FAM135B: variants seen among roughly 807,000 people sequenced by gnomAD.
FAM135B encodes the protein family with sequence similarity 135 member B.
FAM135B carries 43 observed loss-of-function variants against 127.7 expected under a neutral mutation model. The observed-to-expected ratio is 0.34, with a 90% CI of 0.26 to 0.43. The LOEUF (loss-of-function observed/expected upper bound fraction) is 0.43, where lower values mean the gene tolerates loss of function less well. Among genes scored for constraint, FAM135B ranks in the 20% least tolerant of loss-of-function variants. The pLI is 1.00. For synonymous variants in FAM135B, 670 were observed against 665.1 expected, an observed-to-expected ratio of 1.01 and a Z score of -0.11; for missense variants, 1,558 against 1,725.6, an observed-to-expected ratio of 0.90 and a Z score of 1.72.
intron 12 of FAM135B, among the ~76,000 whole-genome samples, chr8:138,166,839 C>G (rs1015640895): frequency 6.6e-6 from 1 of 152,074 alleles, no homozygotes; most frequent in African/African-American, 2.4e-5. Context: ...TTGTAAGGAG[C>G]ACATCCTACC....
chr8:138,455,854 T>C (rs1294419365), intron 1 of FAM135B, among the ~76,000 whole-genome samples: 1 of 152,174 alleles, frequency 6.6e-6, no homozygotes, highest in Non-Finnish European at 1.5e-5. Context: ...GGCTGAGTCC[T>C]ACTGGATTGG....
At chr8:138,192,704 C>T (rs1297365322) in intron 9 of FAM135B, among the ~76,000 whole-genome samples, 2 of 152,174 alleles carry the variant, frequency 1.3e-5, no homozygotes, top group Non-Finnish European at 2.9e-5. Flanking sequence ...CTGGCCCCTA[C>T]TCAGCAAATT....
chr8:138,447,423 A>G (rs1836239415), intron 1 of FAM135B, among the ~76,000 whole-genome samples: 1 of 152,194 alleles, frequency 6.6e-6, no homozygotes, highest in Non-Finnish European at 1.5e-5. Flanking sequence ...CAACAATGGT[A>G]GACTGGATTA....
intron 7 of FAM135B, among the ~76,000 whole-genome samples, chr8:138,227,714 C>CTTT (rs761660500): frequency 5.4e-4 from 44 of 81,764 alleles, no homozygotes; most frequent in Non-Finnish European, 6.9e-4. Flanking sequence ...TTTTGTCTCT[C>CTTT]TTTTTTTTTT....
chr8:138,442,040 T>G lies in FAM135B; in HGVS notation c.-20+54631A>C, dbSNP rs140597759. Reference sequence around the variant, plus strand: ...TATTTTGTATGTCAAGTTCTGTAAGTCCTTATGCAGCAGGCAAACGATGTG... The same window carrying G: ...TATTTTGTATGTCAAGTTCTGTAAGGCCTTATGCAGCAGGCAAACGATGTG... On this transcript the variant is annotated intron_variant, in intron 1 of 19. Coordinates refer to ENST00000395297, the MANE Select transcript of FAM135B (RefSeq NM_015912.4). Among the ~76,000 whole-genome samples, 152 of 151,744 alleles carry G rather than the reference T, an allele frequency of 1.0e-3. 1 individual carries two copies. The highest frequency in any genetic ancestry group is 6.4e-3 in the East Asian group (33 of 5,150).
chr8:138,227,714 CTTTT>C (rs761660500), intron 7 of FAM135B, among the ~76,000 whole-genome samples: 1,032 of 81,836 alleles, frequency 0.013, 17 homozygotes, highest in African/African-American at 0.04. Context: ...TTTTGTCTCT[CTTTT>C]TTTTTTTTTT....
intron 1 of FAM135B, among the ~76,000 whole-genome samples, chr8:138,480,472 T>C (rs1814728333): frequency 6.6e-6 from 1 of 152,220 alleles, no homozygotes; most frequent in Non-Finnish European, 1.5e-5. Context: ...GGAAGCCCTG[T>C]GGAGAAAGAC....
rs1818211991 is a variant in FAM135B at position 138,152,066 on chromosome 8, G to C, written c.2409C>G (p.Ser803Arg). The C allele has an allele frequency of 6.2e-7, 1 of 1,613,992 alleles. No homozygotes were observed. The highest frequency in any genetic ancestry group is 1.3e-5 in the African/African-American group (1 of 75,034). Residue 803 changes from serine (S) to arginine (R), a missense_variant, in exon 13 of 20, where the codon AGC (serine) becomes AGG (arginine). By Grantham distance (110) the Ser-to-Arg change is moderately radical. Coordinates refer to ENST00000395297, the MANE Select transcript of FAM135B (RefSeq NM_015912.4). The stretch of plus-strand genomic sequence containing the variant: ...AAGATCCTGGGGAACCTTGGCTCTT[G>C]CTGTGCATATCTGAAGGTTCAGCAA... The part of the protein sequence containing the change: ...GGFAEPSDMH[S>R]KSQGSPGSCS...
At chr8:138,278,195 C>T (rs921164329) in intron 3 of FAM135B, among the ~76,000 whole-genome samples, 21 of 151,510 alleles carry the variant, frequency 1.4e-4, no homozygotes, top group African/African-American at 4.1e-4. Flanking sequence ...AAATTGCTGC[C>T]GAGGATGTAG....
chr8:138,428,266 T>A (rs1835008416), intron 1 of FAM135B, among the ~76,000 whole-genome samples: 1 of 152,166 alleles, frequency 6.6e-6, no homozygotes, highest in Admixed American at 6.6e-5. Flanking sequence ...TACATAGATC[T>A]ATCCTACACA....
chr8:138,157,083 A>G (rs1248711461), intron 12 of FAM135B, among the ~76,000 whole-genome samples: 1 of 152,246 alleles, frequency 6.6e-6, no homozygotes, highest in African/African-American at 2.4e-5. Context: ...CAGCACATCA[A>G]AAAGCTTATC....
intron 3 of FAM135B, among the ~76,000 whole-genome samples, chr8:138,278,385 C>A (rs1440045940): frequency 6.6e-6 from 1 of 151,732 alleles, no homozygotes. Context: ...AGCCAGTTAG[C>A]TCTCGTGTCA....
At chr8:138,442,033 C>A (rs1022114387) in intron 1 of FAM135B, among the ~76,000 whole-genome samples, 13 of 151,554 alleles carry the variant, frequency 8.6e-5, no homozygotes, top group Non-Finnish European at 1.5e-4. Context: ...ATGTCAAGTT[C>A]TGTAAGTCCT....
intron 2 of FAM135B, among the ~76,000 whole-genome samples, chr8:138,334,340 C>T (rs978133222): frequency 1.4e-4 from 22 of 152,142 alleles, no homozygotes; most frequent in African/African-American, 4.6e-4. Flanking sequence ...CTGTAGAACC[C>T]CCTTAGCAAA....
At chr8:138,299,794 CT>C (rs1237756222) in intron 3 of FAM135B, among the ~76,000 whole-genome samples, 6 of 151,988 alleles carry the variant, frequency 3.9e-5, no homozygotes, top group African/African-American at 1.2e-4. Flanking sequence ...ATCACAAATG[CT>C]TATGAATAAA....
At chr8:138,268,690 A>AG in intron 3 of FAM135B, among the ~76,000 whole-genome samples, 1 of 152,276 alleles carries the variant, frequency 6.6e-6, no homozygotes, top group East Asian at 1.9e-4. Context: ...ATCAGCACCC[A>AG]GAGACAGCAA....
chr8:138,413,286 G>A (rs541324624), intron 1 of FAM135B, among the ~76,000 whole-genome samples: 27 of 151,872 alleles, frequency 1.8e-4, no homozygotes, highest in Non-Finnish European at 2.8e-4. Context: ...CCAGTGTAGA[G>A]TTCCCCTGTC....
At chr8:138,431,870 G>A (rs559341104) in intron 1 of FAM135B, among the ~76,000 whole-genome samples, 11 of 152,322 alleles carry the variant, frequency 7.2e-5, no homozygotes, top group African/African-American at 2.4e-4. Flanking sequence ...GTCAAGAAGA[G>A]AAGAGAGCAT....
intron 1 of FAM135B, among the ~76,000 whole-genome samples, chr8:138,458,320 A>G (rs1836917408): frequency 6.6e-6 from 1 of 152,214 alleles, no homozygotes; most frequent in Non-Finnish European, 1.5e-5. Flanking sequence ...CAGGAATTCA[A>G]TATTTATTAA....
Sources: allele counts gnomAD v4.1 joint callset (sites outside exome capture counted in the v4.1 genomes callset), GRCh38; gene constraint gnomAD v4.1.1; transcripts MANE v1.5; gene names NCBI Gene and HGNC (gene_info 2026-07-23, HGNC 2026-07-21).